The following NDST3 variants were observed in gnomAD, a reference collection of about 807,000 sequenced individuals.
NDST3 encodes the protein bifunctional heparan sulfate N-deacetylase/N-sulfotransferase 3.
NDST3 carries 58 observed loss-of-function variants against 96.1 expected under a neutral mutation model. The observed-to-expected ratio is 0.60, with a 90% confidence interval of 0.49 to 0.75. The LOEUF is 0.75. Among genes scored for constraint, NDST3 ranks in the 30% least tolerant of loss-of-function variants. The pLI is 0.00. For missense variants in NDST3, 788 were observed against 1,034.2 expected, an observed-to-expected ratio of 0.76 and a Z score of 3.27; for synonymous variants, 333 against 359.7, an observed-to-expected ratio of 0.93 and a Z score of 0.84.
Position 118,054,338 on chromosome 4 carries a change from A to G in NDST3, c.428A>G (p.Asp143Gly). ...AATATTTTAAAGTATATAAATATGG[A>G]TTCCTGGAATCGAAGCCTTCTAGAT... is the stretch of plus-strand genomic sequence containing the variant. The part of the protein sequence containing the change: ...YENILKYINM[D>G]SWNRSLLDKY... The change falls in exon 2 of 14, where the codon GAT becomes GGT. Residue 143 changes from aspartate (D) to glycine (G), a missense_variant. Asp to Gly is a moderately conservative substitution (Grantham distance 94). Transcript: ENST00000296499. 6.2e-7 allele frequency: 1 copy of G among 1,611,386 alleles called. No homozygotes were observed. The highest frequency in any genetic ancestry group is 8.5e-7 in the Non-Finnish European group (1 of 1,178,262).
At chr4:118,081,034 A>C (rs77096271) in intron 2 of NDST3, among the ~76,000 whole-genome samples, 8,202 of 152,272 alleles carry the variant, frequency 0.054, 309 homozygotes, top group Middle Eastern at 0.082. Context: ...TCTCCCATCT[A>C]TATAAGTTGT....
intron 6 of NDST3, among the ~76,000 whole-genome samples, chr4:118,187,214 G>T (rs887679720): frequency 3.3e-5 from 5 of 152,188 alleles, no homozygotes; most frequent in Non-Finnish European, 7.4e-5. Flanking sequence ...AGATACTTCT[G>T]TTTAGCCAGC....
rs370148788 is a variant in NDST3 at position 118,045,957 on chromosome 4, C to T, written c.-155-7799C>T. On this transcript the variant is annotated intron_variant, in intron 1 of 13. Transcript: ENST00000296499. ...TGCTCTAAGAAGCACCCAGGAATTC[C>T]AGAGGGGGAAGGCAAGATGGCCAAC... Among the ~76,000 whole-genome samples, 34 of 151,496 alleles carry T rather than the reference C, an allele frequency of 2.2e-4. 1 individual carries two copies. Among genetic ancestry groups the T allele is most frequent in the African/African-American group, 7.8e-4 (32 of 41,272 alleles).
At chr4:118,117,287 T>C (rs561782099) in intron 4 of NDST3, among the ~76,000 whole-genome samples, 3 of 152,134 alleles carry the variant, frequency 2.0e-5, no homozygotes, top group African/African-American at 4.8e-5. Context: ...GCAATTAGCA[T>C]ATAACACTCA....
chr4:118,104,939 A>G, intron 2 of NDST3, 79 bp from the exon 3 acceptor site: 1 of 1,127,796 alleles, frequency 8.9e-7, no homozygotes, highest in Admixed American at 1.9e-5. Flanking sequence ...TTATCCTCTG[A>G]ATGCAAAAAG....
chr4:118,184,602 T>TACAC (rs562099266), intron 6 of NDST3, among the ~76,000 whole-genome samples: 14,744 of 138,374 alleles, frequency 0.11, 813 homozygotes, highest in Middle Eastern at 0.17. Flanking sequence ...TCTCTCTCTC[T>TACAC]ACACACACAC....
chr4:118,154,358 T>C (rs562194486), intron 6 of NDST3, among the ~76,000 whole-genome samples: 11 of 152,300 alleles, frequency 7.2e-5, no homozygotes, highest in African/African-American at 2.6e-4. Flanking sequence ...GTGCTTTCCA[T>C]TGTGTCTAGA....
In NDST3 at chr4:118,114,837, T is replaced by A; in HGVS notation, c.1101T>A (p.Cys367Ter). The change falls in exon 4 of 14, where the codon TGT becomes TGA. Residue 367 changes from cysteine to a stop codon, truncating the protein, a stop_gained. Transcript: ENST00000296499. LOFTEE classifies it high-confidence loss of function. ...AAGAGGAAGATGAAGGAGATGACTG[T>A]CTGTTGGGGTCTGTGGATGAGTTCT... The part of the protein sequence containing the change: ...GTEEEDEGDD[C>*]LLGSVDEFWW... The A allele has an allele frequency of 6.2e-7, 1 of 1,614,016 alleles. No individual in the cohort carries two copies. Among genetic ancestry groups the A allele is most frequent in the Non-Finnish European group, 8.5e-7 (1 of 1,179,944 alleles).
intron 2 of NDST3, among the ~76,000 whole-genome samples, chr4:118,080,567 G>C (rs190347102): frequency 6.6e-6 from 1 of 152,030 alleles, no homozygotes; most frequent in Non-Finnish European, 1.5e-5. Flanking sequence ...ATTAATTCAC[G>C]AAAGTCTCAT....
chr4:118,212,702 G>A (rs1161941765), intron 6 of NDST3, among the ~76,000 whole-genome samples: 1 of 152,124 alleles, frequency 6.6e-6, no homozygotes, highest in Admixed American at 6.5e-5. Flanking sequence ...AAAGGATGAA[G>A]GGTTTTCTGA....
At chr4:118,199,041 T>A (rs1012896996) in intron 6 of NDST3, among the ~76,000 whole-genome samples, 1 of 152,196 alleles carries the variant, frequency 6.6e-6, no homozygotes, top group Non-Finnish European at 1.5e-5. Flanking sequence ...CTTCTTTGCA[T>A]GAAATCTGCT....
chr4:118,179,801 CCAG>C (rs1736490594), intron 6 of NDST3, among the ~76,000 whole-genome samples: 1 of 152,002 alleles, frequency 6.6e-6, no homozygotes, highest in African/African-American at 2.4e-5. Flanking sequence ...AAAAAGTTCT[CCAG>C]TCACTTTAGT....
chr4:118,218,921 C>G (rs1361094707), intron 6 of NDST3, among the ~76,000 whole-genome samples: 1 of 152,106 alleles, frequency 6.6e-6, no homozygotes, highest in African/African-American at 2.4e-5. Context: ...AGAGCCAAAT[C>G]ATGAATGAAC....
At chr4:118,180,592 G>C (rs1261650715) in intron 6 of NDST3, among the ~76,000 whole-genome samples, 1 of 152,088 alleles carries the variant, frequency 6.6e-6, no homozygotes, top group Non-Finnish European at 1.5e-5. Flanking sequence ...TGGTTAGATA[G>C]GTGACTTTTC....
At chr4:118,143,049 T>A (rs916086020) in intron 5 of NDST3, among the ~76,000 whole-genome samples, 3 of 152,182 alleles carry the variant, frequency 2.0e-5, no homozygotes, top group Non-Finnish European at 4.4e-5. Context: ...GATACTGTGA[T>A]TTGTGTCTCA....
intron 6 of NDST3, among the ~76,000 whole-genome samples, chr4:118,180,385 C>T (rs563085486): frequency 3.0e-4 from 46 of 152,222 alleles, no homozygotes; most frequent in African/African-American, 9.9e-4. Context: ...CATTAATTCA[C>T]GTAGGATAAT....
At chr4:118,152,477 T>C (rs13151098) in intron 6 of NDST3, among the ~76,000 whole-genome samples, 7,937 of 152,332 alleles carry the variant, frequency 0.052, 292 homozygotes, top group Non-Finnish European at 0.083. Context: ...GAATTGTTTA[T>C]TATTGAAATT....
intron 4 of NDST3, among the ~76,000 whole-genome samples, chr4:118,116,653 C>T (rs1394898709): frequency 1.3e-5 from 2 of 151,984 alleles, no homozygotes; most frequent in Non-Finnish European, 2.9e-5. Context: ...GTCAGGAGAT[C>T]GAGACCATCC....
intron 1 of NDST3, among the ~76,000 whole-genome samples, chr4:118,051,576 C>A (rs1053482467): frequency 1.3e-5 from 2 of 151,906 alleles, no homozygotes; most frequent in South Asian, 4.1e-4. Context: ...AACCAACCCC[C>A]TTTAAAAACA....
Sources: allele counts gnomAD v4.1 joint callset (sites outside exome capture counted in the v4.1 genomes callset), GRCh38; gene constraint gnomAD v4.1.1; transcripts MANE v1.5; gene names NCBI Gene and HGNC (gene_info 2026-07-23, HGNC 2026-07-21).